MAPRE3: variants seen among roughly 807,000 people sequenced by gnomAD.
MAPRE3 encodes the protein microtubule associated protein RP/EB family member 3, also known as microtubule-associated protein RP/EB family member 3.
A neutral mutation model predicts 30.5 loss-of-function variants in MAPRE3; 2 were observed. The ratio of observed to expected loss-of-function variants is 0.07; its 90% CI spans 0.03 to 0.21. The LOEUF (loss-of-function observed/expected upper bound fraction) is 0.21. Ranked by LOEUF, MAPRE3 falls within the 10% of genes least tolerant of loss-of-function variation. The pLI, the probability that MAPRE3 is intolerant of heterozygous loss-of-function variation, is 1.00. For synonymous variants in MAPRE3, 110 were observed against 127.7 expected (o/e 0.86, Z 0.93); for missense variants, 204 against 351.8 (o/e 0.58, Z 3.36).
At chr2:27,004,618 A>G (rs1219327715) in intron 1 of MAPRE3, among the ~76,000 whole-genome samples, 3 of 151,696 alleles carry the variant, frequency 2.0e-5, no homozygotes, top group Admixed American at 6.6e-5. Context: ...GCTAATTTCT[A>G]TTTTTGTAAA....
intron 1 of MAPRE3, among the ~76,000 whole-genome samples, chr2:27,011,153 T>C (rs1666847332): frequency 6.6e-6 from 1 of 152,184 alleles, no homozygotes; most frequent in Non-Finnish European, 1.5e-5. Flanking sequence ...GAGTCATTGG[T>C]CTTATGCTCT....
At position 27,025,723 on chromosome 2, in the gene MAPRE3, G is replaced by A. The variant is rs1287734269; in HGVS notation, c.610G>A (p.Glu204Lys). 1 of 1,614,170 alleles carries A rather than the reference G, an allele frequency of 6.2e-7. No individual in the cohort carries two copies. Among genetic ancestry groups the A allele is most frequent in the Non-Finnish European group, 8.5e-7 (1 of 1,180,022 alleles). ...CCATGAGACTGATGCCCAAATTCTT[G>A]AACTCAACCAACAGGTGAGTGGGAT... ...GGHETDAQIL[E>K]LNQQLVDLKL... The change falls in exon 5 of 7, where the codon GAA becomes AAA. Residue 204 changes from glutamate to lysine, a missense_variant. Physicochemically the swap from Glu to Lys is moderately conservative, Grantham distance 56 (BLOSUM62 1). Transcript: ENST00000233121.
rs1667234938 is a variant in MAPRE3, at chr2:27,026,094, C to T, written c.777+62C>T. On this transcript the variant is annotated intron_variant, in intron 6 of 6. Coordinates refer to ENST00000233121, the MANE Select transcript of MAPRE3 (RefSeq NM_012326.4). Reference sequence around the variant, plus strand: ...TGGCCTGGCCCTAAGACCAGAAGCGCGATAGGGCCAGAAGGGACCGTGGAG... The same window carrying T: ...TGGCCTGGCCCTAAGACCAGAAGCGTGATAGGGCCAGAAGGGACCGTGGAG... 14 of 1,587,640 alleles carry T rather than the reference C, an allele frequency of 8.8e-6. No individual in the cohort carries two copies. The South Asian group carries it at 1.3e-4, about 15-fold the overall frequency.
chr2:26,991,039 G>T (rs1666328742), intron 1 of MAPRE3, among the ~76,000 whole-genome samples: 1 of 152,212 alleles, frequency 6.6e-6, no homozygotes, highest in African/African-American at 2.4e-5. Context: ...GGATCACGAG[G>T]TCTGCAGATT....
intron 1 of MAPRE3, among the ~76,000 whole-genome samples, chr2:27,018,278 T>C (rs1667030816): frequency 2.0e-5 from 3 of 152,130 alleles, no homozygotes; most frequent in South Asian, 2.1e-4. Context: ...AGGGGCCTCA[T>C]AGGGAAATGA....
At chr2:27,025,515 C>T in intron 4 of MAPRE3, 68 bp from the exon 5 acceptor site, 1 of 1,487,594 alleles carries the variant, frequency 6.7e-7, no homozygotes, top group Non-Finnish European at 9.0e-7. Context: ...AGTCCTCACA[C>T]CAGGCTGTCT....
intron 2 of MAPRE3, chr2:27,022,838 G>A (rs1429626410): frequency 4.8e-5 from 8 of 167,794 alleles, no homozygotes; most frequent in African/African-American, 1.9e-4. Context: ...ACTGTCTGGA[G>A]CTGAAGTCAA....
chr2:26,999,484 C>CTTTTTT (rs1666538504), intron 1 of MAPRE3, among the ~76,000 whole-genome samples: 3 of 75,558 alleles, frequency 4.0e-5, no homozygotes, highest in African/African-American at 5.8e-5. Context: ...TTCTTTCCTT[C>CTTTTTT]TTTCTTTTTT....
chr2:27,024,347 C>T (rs756001023), intron 4 of MAPRE3, 50 bp downstream of exon 4: 2 of 1,554,074 alleles, frequency 1.3e-6, no homozygotes, highest in Non-Finnish European at 1.7e-6. Context: ...GGCCGGCAGG[C>T]CTCTATAGCC....
intron 3 of MAPRE3, 162 bp downstream of exon 3, chr2:27,023,639 A>C (rs1667161488): frequency 2.6e-6 from 2 of 774,640 alleles, no homozygotes; most frequent in Non-Finnish European, 4.3e-6. Flanking sequence ...CTCAAGGCAC[A>C]ATGGAAAAGC....
intron 1 of MAPRE3, among the ~76,000 whole-genome samples, chr2:26,991,771 A>G (rs1666349242): frequency 6.6e-6 from 1 of 152,226 alleles, no homozygotes; most frequent in South Asian, 2.1e-4. Context: ...CCTGTCTTGC[A>G]TTTGTAGATC....
At chr2:26,993,844 T>A (rs1666400384) in intron 1 of MAPRE3, among the ~76,000 whole-genome samples, 1 of 152,168 alleles carries the variant, frequency 6.6e-6, no homozygotes, top group African/African-American at 2.4e-5. Context: ...ATTGATTGTG[T>A]CCAAAAGTTC....
chr2:26,982,608 T>G (rs1400542505), intron 1 of MAPRE3, among the ~76,000 whole-genome samples: 2 of 152,242 alleles, frequency 1.3e-5, no homozygotes, highest in African/African-American at 4.8e-5. Flanking sequence ...ATGGACTCTC[T>G]ATAAACACAG....
chr2:26,974,108 A>G (rs1665969044), intron 1 of MAPRE3, among the ~76,000 whole-genome samples: 1 of 152,202 alleles, frequency 6.6e-6, no homozygotes, highest in Non-Finnish European at 1.5e-5. Context: ...AGGCAGATGA[A>G]TGTTGGTGGT....
chr2:27,008,817 G>A (rs1666785799), intron 1 of MAPRE3, among the ~76,000 whole-genome samples: 1 of 151,674 alleles, frequency 6.6e-6, no homozygotes, highest in Non-Finnish European at 1.5e-5. Context: ...GTGGGTGAAT[G>A]AGTAGACTGT....
intron 1 of MAPRE3, among the ~76,000 whole-genome samples, chr2:26,971,066 G>A (rs1215690105): frequency 6.6e-6 from 1 of 151,930 alleles, no homozygotes; most frequent in Non-Finnish European, 1.5e-5. Flanking sequence ...TCCACCTTGA[G>A]GCTCCTTCCC....
intron 1 of MAPRE3, among the ~76,000 whole-genome samples, chr2:26,979,667 A>G (rs898991936): frequency 6.6e-6 from 1 of 152,186 alleles, no homozygotes; most frequent in South Asian, 2.1e-4. Context: ...TTGACAGAAC[A>G]CCAGAGAGGG....
At chr2:26,980,679 C>T (rs1666095989) in intron 1 of MAPRE3, among the ~76,000 whole-genome samples, 1 of 152,010 alleles carries the variant, frequency 6.6e-6, no homozygotes, top group South Asian at 2.1e-4. Context: ...TGGTATATTC[C>T]ATAAAGTGAA....
chr2:26,976,415 T>C (rs1300483765), intron 1 of MAPRE3, among the ~76,000 whole-genome samples: 1 of 152,242 alleles, frequency 6.6e-6, no homozygotes, highest in Non-Finnish European at 1.5e-5. Context: ...TCACATTCCA[T>C]CACCCAGTCT....
Sources: allele counts gnomAD v4.1 joint callset (sites outside exome capture counted in the v4.1 genomes callset), GRCh38; gene constraint gnomAD v4.1.1; transcripts MANE v1.5; gene names NCBI Gene and HGNC (gene_info 2026-07-23, HGNC 2026-07-21).